APLF: variants seen among roughly 807,000 people sequenced by gnomAD.
APLF encodes aprataxin and PNK-like factor.
APLF carries 61 observed loss-of-function variants against 55.6 expected under a neutral mutation model. The observed-to-expected ratio is 1.10, with a 90% CI of 0.89 to 1.36. The LOEUF is 1.36. Ranked by LOEUF, APLF falls within the 40% of genes most tolerant of loss-of-function variation. The pLI, the probability that APLF is intolerant of heterozygous loss-of-function variation, is 0.00. For synonymous variants in APLF, 207 were observed against 214.8 expected (o/e 0.96, Z 0.32); for missense variants, 611 against 602.5 (o/e 1.01, Z -0.15).
chr2:68,525,917 C>G (rs1670031193), intron 5 of APLF, 144 bp from the exon 6 acceptor site: 2 of 729,038 alleles, frequency 2.7e-6, no homozygotes, highest in Non-Finnish European at 4.2e-6. Flanking sequence ...ACCTGCCTAT[C>G]TTTTGTATTT....
intron 7 of APLF, among the ~76,000 whole-genome samples, chr2:68,540,604 T>G (rs1021789403): frequency 6.6e-6 from 1 of 152,230 alleles, no homozygotes; most frequent in African/African-American, 2.4e-5. Flanking sequence ...CCACAATGGT[T>G]GAACTAATTT....
At chr2:68,513,789 T>C in intron 5 of APLF, 109 bp downstream of exon 5, 1 of 1,299,686 alleles carries the variant, frequency 7.7e-7, no homozygotes, top group East Asian at 2.4e-5. Context: ...AGAGTAGAGG[T>C]TGTGTAAGTG....
intron 6 of APLF, 131 bp downstream of exon 6, chr2:68,526,373 AT>A: frequency 1.4e-6 from 2 of 1,427,590 alleles, no homozygotes; most frequent in Non-Finnish European, 1.9e-6. Context: ...AACTAGCCCA[AT>A]TTTTTCAGAC....
intron 5 of APLF, among the ~76,000 whole-genome samples, chr2:68,519,623 C>A (rs1222891253): frequency 2.0e-5 from 3 of 149,502 alleles, no homozygotes; most frequent in Non-Finnish European, 4.5e-5. Flanking sequence ...TCAACACATA[C>A]AGAGATGTTA....
chr2:68,498,726 T>A (rs1302396372), intron 2 of APLF, among the ~76,000 whole-genome samples: 1 of 152,258 alleles, frequency 6.6e-6, no homozygotes, highest in African/African-American at 2.4e-5. Flanking sequence ...CACCAGTGAT[T>A]GGTTATGCCC....
At chr2:68,511,211 ACT>A (rs1677039762) in intron 3 of APLF, among the ~76,000 whole-genome samples, 1 of 151,770 alleles carries the variant, frequency 6.6e-6, no homozygotes, top group African/African-American at 2.4e-5. Flanking sequence ...AAAAAGGATA[ACT>A]CAATTACCTT....
At position 68,467,717 on chromosome 2, in the gene APLF, T is replaced by C. The variant is rs746439414; in HGVS notation, c.-15T>C. 208 of 1,234,556 alleles carry C rather than the reference T, an allele frequency of 1.7e-4. No individual in the cohort carries two copies. The highest frequency in any genetic ancestry group is 2.1e-4 in the Admixed American group (5 of 23,704). The allele number at this position is 1,234,556 out of a possible 1,614,324, so 76.5% of individuals were successfully genotyped here. A position where few individuals can be genotyped will look rare whatever the true frequency, so the allele number is the denominator to read the frequency against. On this transcript the variant is annotated 5_prime_UTR_variant, in exon 1 of 10. Coordinates refer to ENST00000303795, the MANE Select transcript of APLF (RefSeq NM_173545.3). Reference sequence around the variant, plus strand: ...GGGCCAGTCTCCTGGCGAAGGGGCCTAATCCTTGCCCGCCATGTCCGGGGG... The same window carrying C: ...GGGCCAGTCTCCTGGCGAAGGGGCCCAATCCTTGCCCGCCATGTCCGGGGG...
Position 68,502,763 on chromosome 2 carries a change from A to G in APLF, c.201A>G (p.Ser67=), listed in dbSNP as rs753953648. ...IHTNPCFYQS[S]EKSQLLPLKP... is the part of the protein sequence containing the mutation. ...CAAATCCATGTTTTTACCAGTCTTC[A>G]GAGAAGAGTCAGCTCTTACCATTGA... Residue 67 remains serine, a synonymous_variant, in exon 3 of 10, where the codon TCA becomes TCG. Coordinates refer to ENST00000303795, the MANE Select transcript of APLF (RefSeq NM_173545.3). 6.3e-7 allele frequency: 1 copy of G among 1,576,416 alleles called. No homozygotes were observed.
At chr2:68,479,421 AAGTC>A (rs1298022928) in intron 1 of APLF, among the ~76,000 whole-genome samples, 1 of 152,226 alleles carries the variant, frequency 6.6e-6, no homozygotes, top group African/African-American at 2.4e-5. Flanking sequence ...TATGGCCAAA[AAGTC>A]AGGGGTGAAG....
At chr2:68,483,756 T>TA (rs139919136) in intron 1 of APLF, among the ~76,000 whole-genome samples, 3,866 of 152,226 alleles carry the variant, frequency 0.025, 64 homozygotes, top group South Asian at 0.043. Flanking sequence ...CAGTTTATAC[T>TA]AAAAAACAAT....
chr2:68,470,712 C>A (rs1415900268), intron 1 of APLF, among the ~76,000 whole-genome samples: 1 of 152,094 alleles, frequency 6.6e-6, no homozygotes, highest in East Asian at 1.9e-4. Context: ...TGACACATTT[C>A]TTTATGATCT....
chr2:68,477,009 G>T (rs1037307945), intron 1 of APLF, among the ~76,000 whole-genome samples: 1 of 152,076 alleles, frequency 6.6e-6, no homozygotes, highest in African/African-American at 2.4e-5. Flanking sequence ...GATATGTCAT[G>T]AATAAATGAA....
chr2:68,486,229 C>T (rs1336696668), intron 1 of APLF, among the ~76,000 whole-genome samples: 1 of 152,030 alleles, frequency 6.6e-6, no homozygotes, highest in Non-Finnish European at 1.5e-5. Flanking sequence ...TGGAATGTGA[C>T]ATTTCTCAAA....
At chr2:68,571,456 T>G (rs969838281) in intron 9 of APLF, among the ~76,000 whole-genome samples, 1 of 152,158 alleles carries the variant, frequency 6.6e-6, no homozygotes, top group Admixed American at 6.5e-5. Context: ...TAATCCATCT[T>G]GAATTAATTT....
In APLF at chr2:68,467,828, G is replaced by C; in HGVS notation, c.96+1G>C. ...GATCGGCCGCGGGCCGCTGCTGGGA[G>C]TAAGTGTGGGCGGGGGCTTAGCGGA... On this transcript the variant is annotated splice_donor_variant, in intron 1 of 9. Coordinates refer to ENST00000303795, the MANE Select transcript of APLF (RefSeq NM_173545.3). LOFTEE classifies it high-confidence loss of function. 1 of 1,232,672 alleles carries C rather than the reference G, an allele frequency of 8.1e-7. No homozygotes were observed. Among genetic ancestry groups the C allele is most frequent in the East Asian group, 3.2e-5 (1 of 31,698 alleles). The allele number at this position is 1,232,672 out of a possible 1,614,324, so 76.4% of individuals were successfully genotyped here.
chr2:68,535,401 T>C, intron 6 of APLF: 1 of 350,090 alleles, frequency 2.9e-6, no homozygotes, highest in South Asian at 2.4e-5. Context: ...TCCTTCTAAC[T>C]CTTTTCATTT....
chr2:68,544,225 C>T (rs1670636805), intron 7 of APLF, among the ~76,000 whole-genome samples: 1 of 152,058 alleles, frequency 6.6e-6, no homozygotes, highest in Non-Finnish European at 1.5e-5. Flanking sequence ...GTGATCTGCC[C>T]TCCTCGGCCT....
In APLF at chr2:68,529,525, C is replaced by A. The variant is rs1670184478; in HGVS notation, c.804+3283C>A. On this transcript the variant is annotated intron_variant, in intron 6 of 9. Coordinates refer to ENST00000303795, the MANE Select transcript of APLF (RefSeq NM_173545.3). The surrounding 1 kb of genome is among the most constrained non-coding windows in gnomAD (Gnocchi z 4.4). ...AGAAGCGGAGAGGATACTCCTAAGT[C>A]ACCCACTTCTCTGTGGCTGGGTGCA... The A allele has an allele frequency of 3.5e-5, 34 of 970,642 alleles. No individual in the cohort carries two copies. The highest frequency in any genetic ancestry group is 4.2e-5 in the Non-Finnish European group (34 of 806,240). 60.1% of individuals were successfully genotyped at this position (970,642 alleles called of 1,614,324 possible). A position where few individuals can be genotyped will look rare whatever the true frequency, so the allele number is the denominator to read the frequency against.
In APLF at chr2:68,512,831, T is replaced by C. The variant is rs1032029634; in HGVS notation, c.342-249T>C. On this transcript the variant is annotated intron_variant, in intron 3 of 9. Transcript: ENST00000303795. Reference sequence around the variant, plus strand: ...AAGAGCTCTTAAGCCTTGACAGAAATGGCTGCCACACATCTCAAAAATAAT... The same window carrying C: ...AAGAGCTCTTAAGCCTTGACAGAAACGGCTGCCACACATCTCAAAAATAAT... 5.9e-5 allele frequency among the ~76,000 whole-genome samples: 9 copies of C among 151,844 alleles called. No homozygotes were observed. In the South Asian group the frequency reaches 6.2e-4, roughly 10 times the overall value.
Sources: allele counts gnomAD v4.1 joint callset (sites outside exome capture counted in the v4.1 genomes callset), GRCh38; gene constraint gnomAD v4.1.1; non-coding constraint Gnocchi (gnomAD v3.1); transcripts MANE v1.5; gene names NCBI Gene and HGNC (gene_info 2026-07-23, HGNC 2026-07-21).